Variants in EDIL3 observed in about 807,000 individuals in gnomAD.
The protein encoded by EDIL3 is EGF like and discoidin domains 3.
Under a neutral mutation model 67.4 loss-of-function variants are expected in EDIL3, and 37 were observed. The ratio of observed to expected loss-of-function variants is 0.55; its 90% CI spans 0.42 to 0.72. The LOEUF (loss-of-function observed/expected upper bound fraction) is 0.72, where lower values mean the gene tolerates loss of function less well. Ranked by LOEUF, EDIL3 falls within the 30% of genes least tolerant of loss-of-function variation. The probability of loss-of-function intolerance (pLI) is 0.00; values close to 1 mark genes in which losing one functional copy is unlikely to be tolerated. For missense variants in EDIL3, 527 were observed against 586.3 expected, an observed-to-expected ratio of 0.90 and a Z score of 1.04; for synonymous variants, 195 against 196.3, an observed-to-expected ratio of 0.99 and a Z score of 0.05.
intron 5 of EDIL3, among the ~76,000 whole-genome samples, chr5:84,130,959 G>T (rs1347942219): frequency 6.6e-6 from 1 of 150,418 alleles, no homozygotes; most frequent in Admixed American, 6.6e-5. Flanking sequence ...TGTAAAACAT[G>T]GTATGTAGGC....
chr5:83,967,479 A>T (rs1406726081), intron 9 of EDIL3, among the ~76,000 whole-genome samples: 1 of 152,120 alleles, frequency 6.6e-6, no homozygotes, highest in Non-Finnish European at 1.5e-5. Flanking sequence ...AAGAATGAAA[A>T]CAAGAGGGAG....
intron 4 of EDIL3, among the ~76,000 whole-genome samples, chr5:84,170,015 G>T (rs1459566477): frequency 6.6e-6 from 1 of 152,186 alleles, no homozygotes; most frequent in Non-Finnish European, 1.5e-5. Context: ...TTTTGGTTCA[G>T]TGCTATATTC....
rs561496770 is a variant in EDIL3 at position 84,188,343 on chromosome 5, C to T, written c.227-7822G>A. Among the ~76,000 whole-genome samples, 4 of 152,014 alleles carry T rather than the reference C, an allele frequency of 2.6e-5. No individual in the cohort carries two copies. The South Asian group carries it at 8.3e-4, about 32-fold the overall frequency. ...CAGAGCCAGACTCCCTTTGAAGGCTCCAGGAAAAAGTCCTTCCTTGCCTAT... is the reference window on the plus strand; with the variant it reads ...CAGAGCCAGACTCCCTTTGAAGGCTTCAGGAAAAAGTCCTTCCTTGCCTAT... On this transcript the variant is annotated intron_variant, in intron 3 of 10. Transcript: ENST00000296591.
chr5:84,336,823 A>G (rs1420021468), intron 1 of EDIL3, among the ~76,000 whole-genome samples: 1 of 152,156 alleles, frequency 6.6e-6, no homozygotes, highest in Non-Finnish European at 1.5e-5. Context: ...CCAAGGATAT[A>G]TCTCCTCTGT....
At chr5:84,252,493 CAAAAAAAAAAAA>C (rs70975548) in intron 2 of EDIL3, among the ~76,000 whole-genome samples, 5 of 28,944 alleles carry the variant, frequency 1.7e-4, no homozygotes, top group South Asian at 3.2e-3. Flanking sequence ...GACTCCGTCT[CAAAAAAAAAAAA>C]AAAAAAAAAA....
chr5:84,230,297 C>A (rs76594046), intron 2 of EDIL3, among the ~76,000 whole-genome samples: 3,269 of 151,804 alleles, frequency 0.022, 100 homozygotes, highest in African/African-American at 0.074. Context: ...TTCTATTTGG[C>A]AAAGAGGAAT....
chr5:84,103,547 GT>G (rs1206903346), intron 6 of EDIL3, among the ~76,000 whole-genome samples: 1 of 151,890 alleles, frequency 6.6e-6, no homozygotes, highest in African/African-American at 2.4e-5. Context: ...TCATTAAAAA[GT>G]GGGCAAAGGA....
intron 1 of EDIL3, among the ~76,000 whole-genome samples, chr5:84,331,088 A>T (rs1746861855): frequency 6.6e-6 from 1 of 152,196 alleles, no homozygotes; most frequent in Non-Finnish European, 1.5e-5. Context: ...CCTATTTGAA[A>T]TGGGCGTATT....
At chr5:84,137,026 T>C (rs1403337351) in intron 5 of EDIL3, among the ~76,000 whole-genome samples, 1 of 152,158 alleles carries the variant, frequency 6.6e-6, no homozygotes, top group Non-Finnish European at 1.5e-5. Context: ...CTAGAGAATA[T>C]GTGTGCATTA....
intron 9 of EDIL3, among the ~76,000 whole-genome samples, chr5:84,001,720 AAAATT>A (rs1220820162): frequency 1.2e-4 from 19 of 152,306 alleles, no homozygotes; most frequent in African/African-American, 4.6e-4. Context: ...AGTAATGCTT[AAAATT>A]GAACCATGAA....
intron 10 of EDIL3, among the ~76,000 whole-genome samples, chr5:83,957,647 T>C (rs1744537479): frequency 6.6e-6 from 1 of 151,680 alleles, no homozygotes; most frequent in Non-Finnish European, 1.5e-5. Flanking sequence ...GGGAAGGAGG[T>C]TGAAAAGGAC....
intron 2 of EDIL3, among the ~76,000 whole-genome samples, chr5:84,231,919 A>T (rs1744588206): frequency 6.6e-6 from 1 of 152,176 alleles, no homozygotes. Flanking sequence ...TGGTCACTTT[A>T]TGTGTATGAA....
At chr5:84,257,539 C>T (rs758642382) in intron 1 of EDIL3, among the ~76,000 whole-genome samples, 1 of 152,068 alleles carries the variant, frequency 6.6e-6, no homozygotes, top group Non-Finnish European at 1.5e-5. Context: ...GATATTTTGA[C>T]CAAATTGATC....
intron 9 of EDIL3, among the ~76,000 whole-genome samples, chr5:84,036,880 T>C (rs1318828): frequency 0.37 from 56,584 of 151,948 alleles, 11,844 homozygotes; most frequent in African/African-American, 0.58. Context: ...GAAGATTTTG[T>C]TTTCCTCAGC....
chr5:84,304,356 T>C (rs1292386089), intron 1 of EDIL3, among the ~76,000 whole-genome samples: 1 of 152,180 alleles, frequency 6.6e-6, no homozygotes, highest in Non-Finnish European at 1.5e-5. Context: ...TGCACCAAAA[T>C]TGTGTGAGCT....
At chr5:84,221,102 G>T (rs2112400239) in intron 3 of EDIL3, among the ~76,000 whole-genome samples, 1 of 152,080 alleles carries the variant, frequency 6.6e-6, no homozygotes, top group Admixed American at 6.6e-5. Flanking sequence ...TAGAACTAAG[G>T]AATCAGGTCA....
At chr5:83,948,604 T>C (rs993877525) in intron 10 of EDIL3, among the ~76,000 whole-genome samples, 15 of 151,680 alleles carry the variant, frequency 9.9e-5, no homozygotes, top group Admixed American at 8.6e-4. Flanking sequence ...AAATTTTTTT[T>C]ATTAAAAAGG....
chr5:84,249,409 ATC>A (rs1744978066), intron 2 of EDIL3, among the ~76,000 whole-genome samples: 1 of 151,362 alleles, frequency 6.6e-6, no homozygotes, highest in Non-Finnish European at 1.5e-5. Context: ...CTATCTATCT[ATC>A]TATCTATCTA....
intron 1 of EDIL3, among the ~76,000 whole-genome samples, chr5:84,332,720 TC>T (rs1452990995): frequency 3.3e-5 from 5 of 152,186 alleles, no homozygotes; most frequent in African/African-American, 1.2e-4. Context: ...TGGTACTTCT[TC>T]TTACTTCTGG....
Sources: allele counts gnomAD v4.1 joint callset (sites outside exome capture counted in the v4.1 genomes callset), GRCh38; gene constraint gnomAD v4.1.1; transcripts MANE v1.5; gene names NCBI Gene and HGNC (gene_info 2026-07-23, HGNC 2026-07-21).